The following CFAP107 variants were observed in gnomAD, a reference collection of about 807,000 sequenced individuals.
CFAP107 encodes the protein cilia and flagella associated protein 107.
the CFAP107 span, among the ~76,000 whole-genome samples, chr1:12,756,582 A>C: frequency 6.6e-6 from 1 of 152,124 alleles, no homozygotes; most frequent in African/African-American, 2.4e-5. Flanking sequence ...ACACTCTGGG[A>C]GTTCCCTTGA....
chr1:12,753,782 G>A, the CFAP107 span: 1 of 152,088 alleles, frequency 6.6e-6, no homozygotes, highest in Non-Finnish European at 1.5e-5. Context: ...AAAACATAGG[G>A]GGCTGGGTGT....
the CFAP107 span, among the ~76,000 whole-genome samples, chr1:12,751,043 TA>T: frequency 6.6e-6 from 1 of 151,434 alleles, no homozygotes; most frequent in Non-Finnish European, 1.5e-5. Flanking sequence ...AACACTGTTT[TA>T]AAAAAAATCA....
chr1:12,749,255 A>G, the CFAP107 span, among the ~76,000 whole-genome samples: 1 of 152,220 alleles, frequency 6.6e-6, no homozygotes, highest in Admixed American at 6.5e-5. Flanking sequence ...CCAAAAACAA[A>G]GAGAGAATCT....
the CFAP107 span, chr1:12,755,892 G>A: frequency 1.1e-6 from 1 of 942,150 alleles, no homozygotes; most frequent in African/African-American, 1.6e-5. Flanking sequence ...CTTCTTATAG[G>A]CTTAGTACCG....
the CFAP107 span, chr1:12,755,901 C>T: frequency 1.1e-5 from 10 of 874,426 alleles, no homozygotes; most frequent in South Asian, 3.0e-5. Flanking sequence ...GGCTTAGTAC[C>T]GTCTTGGGGG....
chr1:12,755,576 T>C, the CFAP107 span: 1 of 708,156 alleles, frequency 1.4e-6, no homozygotes, highest in Middle Eastern at 2.4e-4. Flanking sequence ...TTGGGCAGGG[T>C]GTCCAGGGGT....
At chr1:12,754,439 A>C in the CFAP107 span, among the ~76,000 whole-genome samples, 1 of 152,246 alleles carries the variant, frequency 6.6e-6, no homozygotes, top group Admixed American at 6.5e-5. Flanking sequence ...ACTGTGGAAA[A>C]CAATATGGGA....
chr1:12,763,480 G>A, the CFAP107 span: 1 of 152,370 alleles, frequency 6.6e-6, no homozygotes, highest in Non-Finnish European at 1.5e-5. Flanking sequence ...GAAGGGACAG[G>A]TTGGGAGGGA....
the CFAP107 span, chr1:12,760,747 C>T: frequency 1.9e-6 from 3 of 1,608,126 alleles, no homozygotes; most frequent in East Asian, 2.2e-5. Context: ...CCCCATTCAA[C>T]TGGACCCTGG....
At chr1:12,750,053 T>C in the CFAP107 span, among the ~76,000 whole-genome samples, 1 of 152,160 alleles carries the variant, frequency 6.6e-6, no homozygotes, top group Non-Finnish European at 1.5e-5. Flanking sequence ...TGTAAATGAG[T>C]CTGCATTATA....
chr1:12,760,737 C>A, the CFAP107 span: 38 of 1,597,050 alleles, frequency 2.4e-5, no homozygotes, highest in Non-Finnish European at 3.2e-5. Context: ...CTTCTGTAAG[C>A]CCCATTCAAC....
chr1:12,753,908 T>C, the CFAP107 span: 1 of 152,124 alleles, frequency 6.6e-6, no homozygotes, highest in South Asian at 2.1e-4. Context: ...CTCTCTTTTT[T>C]TTTAATTAAA....
At chr1:12,760,822 A>ACC in the CFAP107 span, 1 of 1,614,148 alleles carries the variant, frequency 6.2e-7, no homozygotes, top group African/African-American at 1.3e-5. Context: ...GACAGCTCAC[A>ACC]CCCAAGGCTG....
At chr1:12,755,866 A>C in the CFAP107 span, 311 of 1,232,054 alleles carry the variant, frequency 2.5e-4, no homozygotes, top group Non-Finnish European at 3.4e-4. Flanking sequence ...CCCAAAGCTC[A>C]GGGGACACCA....
the CFAP107 span, among the ~76,000 whole-genome samples, chr1:12,749,553 G>A: frequency 6.6e-6 from 1 of 152,164 alleles, no homozygotes; most frequent in Admixed American, 6.5e-5. Context: ...GGAGGTTCTA[G>A]TGAGCCGAAA....
At chr1:12,753,566 G>A in the CFAP107 span, 1 of 152,156 alleles carries the variant, frequency 6.6e-6, no homozygotes. Context: ...ATAAACATTT[G>A]TATATACGGT....
the CFAP107 span, chr1:12,760,793 T>G: frequency 3.1e-6 from 5 of 1,614,014 alleles, no homozygotes; most frequent in Non-Finnish European, 4.2e-6. Flanking sequence ...CTATGGACTC[T>G]ATGAGCAGCT....
chr1:12,756,782 G>A, the CFAP107 span, among the ~76,000 whole-genome samples: 2 of 152,312 alleles, frequency 1.3e-5, no homozygotes, highest in South Asian at 2.1e-4. Context: ...TCAGCTCAGC[G>A]GCCCGAGGTG....
At chr1:12,759,574 G>A in the CFAP107 span, 1 of 1,484,564 alleles carries the variant, frequency 6.7e-7, no homozygotes, top group Admixed American at 1.7e-5. Flanking sequence ...TGCAGAAGGA[G>A]CCACACAGGT....
Sources: allele counts gnomAD v4.1 joint callset (sites outside exome capture counted in the v4.1 genomes callset), GRCh38; gene constraint gnomAD v4.1.1; transcripts MANE v1.5; gene names NCBI Gene and HGNC (gene_info 2026-07-23, HGNC 2026-07-21).